Variants in ENOX1 observed in about 807,000 individuals in gnomAD.
ENOX1 encodes ecto-NOX disulfide-thiol exchanger 1.
ENOX1 carries 42 observed loss-of-function variants against 82.5 expected under a neutral mutation model. The ratio of observed to expected loss-of-function variants is 0.51; its 90% CI spans 0.40 to 0.66. The LOEUF is 0.66. Among genes scored for constraint, ENOX1 ranks in the 30% least tolerant of loss-of-function variants. ENOX1 has a pLI of 0.00. For missense variants in ENOX1, 608 were observed against 811.6 expected (o/e 0.75, Z 3.05); for synonymous variants, 271 against 282.2 (o/e 0.96, Z 0.40).
intron 2 of ENOX1, among the ~76,000 whole-genome samples, chr13:43,665,199 C>T (rs575024299): frequency 9.2e-5 from 14 of 152,316 alleles, no homozygotes; most frequent in African/African-American, 3.1e-4. Context: ...GACTTTCACT[C>T]TTCTCAGCAG....
At chr13:43,309,121 A>G (rs1393257113) in intron 11 of ENOX1, among the ~76,000 whole-genome samples, 1 of 150,576 alleles carries the variant, frequency 6.6e-6, no homozygotes, top group Non-Finnish European at 1.5e-5. Context: ...TCCCGGGCTT[A>G]CACGATTCTC....
At chr13:43,296,525 G>GAC (rs2046294974) in intron 12 of ENOX1, among the ~76,000 whole-genome samples, 2 of 152,170 alleles carry the variant, frequency 1.3e-5, no homozygotes, top group Non-Finnish European at 2.9e-5. Context: ...TCAGAACTGT[G>GAC]AGACAATACA....
intron 2 of ENOX1, among the ~76,000 whole-genome samples, chr13:43,561,261 C>G (rs1209275204): frequency 6.6e-6 from 1 of 152,100 alleles, no homozygotes; most frequent in East Asian, 1.9e-4. Flanking sequence ...GTTTGGCAGG[C>G]AAAGAATGCC....
rs967486013 is a variant in ENOX1 at position 43,407,615 on chromosome 13, C to T, written c.208+4301G>A. On this transcript the variant is annotated intron_variant, in intron 5 of 16. Transcript: ENST00000690772. Reference sequence around the variant, plus strand: ...AGGCTAAATTAAGTTAGGAATTGTACGTAGTAGATCCCACTCTTTGAGAAC... The same window carrying T: ...AGGCTAAATTAAGTTAGGAATTGTATGTAGTAGATCCCACTCTTTGAGAAC... 2.6e-5 allele frequency among the ~76,000 whole-genome samples: 4 copies of T among 152,068 alleles called. No homozygotes were observed. The East Asian group carries it at 5.8e-4, about 22-fold the overall frequency.
At chr13:43,466,464 A>C (rs1053406064) in intron 3 of ENOX1, among the ~76,000 whole-genome samples, 1 of 152,140 alleles carries the variant, frequency 6.6e-6, no homozygotes, top group South Asian at 2.1e-4. Flanking sequence ...TTACTCCTCA[A>C]ATGGGAAGTC....
intron 2 of ENOX1, among the ~76,000 whole-genome samples, chr13:43,640,851 T>C (rs576745841): frequency 1.0e-3 from 147 of 147,116 alleles, no homozygotes; most frequent in Admixed American, 1.8e-3. Flanking sequence ...ATTACTTGTT[T>C]TAGAACACAT....
intron 8 of ENOX1, among the ~76,000 whole-genome samples, chr13:43,349,384 T>C (rs1034494371): frequency 1.3e-5 from 2 of 152,222 alleles, no homozygotes; most frequent in African/African-American, 4.8e-5. Context: ...GGAACGTAAT[T>C]GCTCTTTAGC....
At chr13:43,723,553 T>C (rs2088717887) in intron 1 of ENOX1, among the ~76,000 whole-genome samples, 1 of 152,226 alleles carries the variant, frequency 6.6e-6, no homozygotes, top group Non-Finnish European at 1.5e-5. Flanking sequence ...AATCTTCTTA[T>C]ATTCATTTCA....
intron 2 of ENOX1, among the ~76,000 whole-genome samples, chr13:43,528,300 C>G (rs529988009): frequency 6.6e-6 from 1 of 152,212 alleles, no homozygotes; most frequent in South Asian, 2.1e-4. Flanking sequence ...CTATGTACAA[C>G]GTGCCCCCAG....
chr13:43,235,607 C>T (rs2042500816), intron 15 of ENOX1, among the ~76,000 whole-genome samples: 1 of 152,000 alleles, frequency 6.6e-6, no homozygotes, highest in Non-Finnish European at 1.5e-5. Context: ...TGGTGTGCAC[C>T]TGTAATCCCA....
At chr13:43,487,311 G>C (rs1360468772) in intron 2 of ENOX1, among the ~76,000 whole-genome samples, 1 of 152,168 alleles carries the variant, frequency 6.6e-6, no homozygotes, top group African/African-American at 2.4e-5. Flanking sequence ...AATCAAGAAG[G>C]CTTCAGTGAA....
intron 5 of ENOX1, among the ~76,000 whole-genome samples, chr13:43,385,744 T>C (rs2052369374): frequency 6.6e-6 from 1 of 152,224 alleles, no homozygotes; most frequent in Admixed American, 6.5e-5. Flanking sequence ...TATACATTTG[T>C]AGAAAAAGAA....
rs1042064194 is a variant in ENOX1 at position 43,421,374 on chromosome 13, C to T, written c.-74-8386G>A. On this transcript the variant is annotated intron_variant, in intron 3 of 16. Transcript: ENST00000690772. ...TTTAATTTACAATTTTTTAACTTTA[C>T]GATGGTGAGAAAGCACTGTGCATTC... 3.9e-5 allele frequency among the ~76,000 whole-genome samples: 6 copies of T among 152,144 alleles called. No individual in the cohort carries two copies. In the South Asian group the frequency reaches 6.2e-4, roughly 16 times the overall value.
In ENOX1 at chr13:43,412,944, C is replaced by T; in HGVS notation, c.-30G>A. ...TTATGAGTGTCCAGAGGGGCAGGAA[C>T]ACTTTGATGGCTGAGTGCAGGGTCC... is the stretch of plus-strand genomic sequence containing the variant. On this transcript the variant is annotated 5_prime_UTR_variant, in exon 4 of 17. Coordinates refer to ENST00000690772, the MANE Select transcript of ENOX1 (RefSeq NM_001347969.2). 1.2e-6 allele frequency: 2 copies of T among 1,613,276 alleles called. No homozygotes were observed. The highest frequency in any genetic ancestry group is 1.7e-6 in the Non-Finnish European group (2 of 1,179,842).
At chr13:43,330,694 CT>C (rs1189787551) in intron 9 of ENOX1, among the ~76,000 whole-genome samples, 1 of 152,152 alleles carries the variant, frequency 6.6e-6, no homozygotes, top group Admixed American at 6.5e-5. Flanking sequence ...AGTAGAGCCC[CT>C]AGTATACCCA....
intron 11 of ENOX1, among the ~76,000 whole-genome samples, chr13:43,299,195 G>C (rs1309292734): frequency 6.6e-6 from 1 of 152,140 alleles, no homozygotes; most frequent in African/African-American, 2.4e-5. Flanking sequence ...TCCACATTTA[G>C]ATTCAGACTT....
At chr13:43,470,297 C>CATATATATATGT (rs1459174994) in intron 3 of ENOX1, among the ~76,000 whole-genome samples, 4 of 37,932 alleles carry the variant, frequency 1.1e-4, no homozygotes, top group Non-Finnish European at 1.2e-4. Context: ...TATATATACA[C>CATATATATATGT]ATATATATAC....
chr13:43,769,644 T>A (rs529875657), intron 1 of ENOX1, among the ~76,000 whole-genome samples: 1 of 152,280 alleles, frequency 6.6e-6, no homozygotes, highest in East Asian at 1.9e-4. Flanking sequence ...TCCCAAATAG[T>A]CTATCTCTAG....
intron 2 of ENOX1, among the ~76,000 whole-genome samples, chr13:43,494,110 C>T (rs1169855608): frequency 6.6e-6 from 1 of 152,066 alleles, no homozygotes; most frequent in African/African-American, 2.4e-5. Flanking sequence ...CTGGTCTCTC[C>T]CTTGACATGT....
Sources: gnomAD v4.1 joint callset for allele counts (sites outside exome capture counted in the v4.1 genomes callset) on GRCh38, gnomAD v4.1.1 for gene constraint, MANE v1.5 for transcripts, NCBI Gene and HGNC (gene_info 2026-07-23, HGNC 2026-07-21) for gene names.